HTR7: variants seen among roughly 807,000 people sequenced by gnomAD.
HTR7 encodes 5-hydroxytryptamine receptor 7.
HTR7 carries 16 observed loss-of-function variants against 34.0 expected under a neutral mutation model. The observed-to-expected ratio is 0.47, with a 90% CI of 0.32 to 0.71. The LOEUF (loss-of-function observed/expected upper bound fraction) is 0.71, where lower values mean the gene tolerates loss of function less well. Among genes scored for constraint, HTR7 ranks in the 30% least tolerant of loss-of-function variants. The pLI is 0.04. For missense variants in HTR7, 504 were observed against 625.5 expected (o/e 0.81, Z 2.07); for synonymous variants, 265 against 260.2 (o/e 1.02, Z -0.18).
intron 1 of HTR7, among the ~76,000 whole-genome samples, chr10:90,763,104 C>T (rs1178681884): frequency 6.6e-6 from 1 of 152,046 alleles, no homozygotes; most frequent in East Asian, 1.9e-4. Context: ...CTCATGATTG[C>T]TTTGTCTGTC....
At chr10:90,793,831 A>T (rs1189979473) in intron 1 of HTR7, among the ~76,000 whole-genome samples, 1 of 152,144 alleles carries the variant, frequency 6.6e-6, no homozygotes, top group South Asian at 2.1e-4. Context: ...CCCCTGACAA[A>T]TCACTGGTGT....
At chr10:90,774,125 G>A (rs1463919481) in intron 1 of HTR7, among the ~76,000 whole-genome samples, 1 of 150,964 alleles carries the variant, frequency 6.6e-6, no homozygotes, top group Non-Finnish European at 1.5e-5. Context: ...AAAAAAAAAA[G>A]CTCAGGTTAT....
At chr10:90,765,689 T>C (rs1030155953) in intron 1 of HTR7, among the ~76,000 whole-genome samples, 1 of 152,214 alleles carries the variant, frequency 6.6e-6, no homozygotes, top group Non-Finnish European at 1.5e-5. Context: ...AGAAATACTT[T>C]CATGGCATCC....
At position 90,748,992 on chromosome 10, in the gene HTR7, G is replaced by C; in HGVS notation, c.1142C>G (p.Pro381Arg). Residue 381 changes from proline (P) to arginine (R), a missense_variant, in exon 2 of 4, where the codon CCT becomes CGT. By Grantham distance (103) the Pro-to-Arg change is moderately radical. Coordinates refer to ENST00000336152, the MANE Select transcript of HTR7 (RefSeq NM_019859.4). ...WLGYANSLIN[P>R]FIYAFFNRDL... Reference sequence around the variant, plus strand: ...CCGGTTGAAGAAGGCATATATAAAAGGGTTAATGAGAGAGTTTGCATAGCC... The same window carrying C: ...CCGGTTGAAGAAGGCATATATAAAACGGTTAATGAGAGAGTTTGCATAGCC... The C allele has an allele frequency of 6.2e-7, 1 of 1,614,032 alleles. No homozygotes were observed.
intron 1 of HTR7, among the ~76,000 whole-genome samples, chr10:90,847,427 T>C (rs533692420): frequency 6.6e-6 from 1 of 152,294 alleles, no homozygotes; most frequent in African/African-American, 2.4e-5. Context: ...TCCTTCTCAC[T>C]TTCCCATAGC....
intron 1 of HTR7, among the ~76,000 whole-genome samples, chr10:90,813,163 C>G (rs1027123516): frequency 2.6e-5 from 4 of 152,170 alleles, no homozygotes; most frequent in Admixed American, 1.3e-4. Context: ...TTTGCTGACT[C>G]TCTTTTCAGA....
At chr10:90,826,949 T>A (rs551675717) in intron 1 of HTR7, among the ~76,000 whole-genome samples, 5 of 151,126 alleles carry the variant, frequency 3.3e-5, no homozygotes, top group South Asian at 2.1e-4. Flanking sequence ...AAAATAAAAA[T>A]AATAATAATA....
At chr10:90,821,133 T>C (rs984648163) in intron 1 of HTR7, among the ~76,000 whole-genome samples, 3 of 77,420 alleles carry the variant, frequency 3.9e-5, no homozygotes, top group East Asian at 8.9e-4. Flanking sequence ...CACACACACA[T>C]GCACACACAC....
At chr10:90,814,398 C>A (rs1845866370) in intron 1 of HTR7, among the ~76,000 whole-genome samples, 1 of 152,198 alleles carries the variant, frequency 6.6e-6, no homozygotes, top group Non-Finnish European at 1.5e-5. Context: ...TAATGCTACT[C>A]CTACTGTTGT....
intron 1 of HTR7, among the ~76,000 whole-genome samples, chr10:90,808,087 T>A (rs1845731628): frequency 6.6e-6 from 1 of 152,168 alleles, no homozygotes; most frequent in Non-Finnish European, 1.5e-5. Flanking sequence ...CCTTGGTGTT[T>A]AATAATTGCA....
intron 1 of HTR7, among the ~76,000 whole-genome samples, chr10:90,786,039 T>C (rs569245308): frequency 3.7e-4 from 56 of 152,368 alleles, no homozygotes; most frequent in African/African-American, 8.9e-4. Context: ...CCTTCTTAAA[T>C]ACTGCTCATT....
intron 1 of HTR7, among the ~76,000 whole-genome samples, chr10:90,829,946 A>T (rs1356081475): frequency 6.6e-6 from 1 of 152,228 alleles, no homozygotes. Flanking sequence ...ATACAAAAAA[A>T]GTTAAAATGT....
rs1472125921 is a variant in HTR7 at position 90,749,657 on chromosome 10, T to C, written c.540-63A>G. On this transcript the variant is annotated intron_variant, in intron 1 of 3. Coordinates refer to ENST00000336152, the MANE Select transcript of HTR7 (RefSeq NM_019859.4). The surrounding 1 kb of genome is among the most constrained non-coding windows in gnomAD (Gnocchi z 4.2). ...GATCATAACTGGTCAACCAAGCAAG[T>C]CCTGCCAGCCAGGTACCAGCGCCAG... 6.7e-7 allele frequency: 1 copy of C among 1,494,466 alleles called. No individual in the cohort carries two copies. Among genetic ancestry groups the C allele is most frequent in the Non-Finnish European group, 9.0e-7 (1 of 1,104,992 alleles). 92.6% of individuals were successfully genotyped at this position (1,494,466 alleles called of 1,614,324 possible).
chr10:90,843,896 C>T (rs1846369027), intron 1 of HTR7, among the ~76,000 whole-genome samples: 1 of 152,136 alleles, frequency 6.6e-6, no homozygotes, highest in South Asian at 2.1e-4. Context: ...GAGAAGAATG[C>T]TATTTTATGA....
chr10:90,826,607 A>T (rs1346064708), intron 1 of HTR7, among the ~76,000 whole-genome samples: 1 of 152,232 alleles, frequency 6.6e-6, no homozygotes, highest in Non-Finnish European at 1.5e-5. Context: ...ATGAAGGTGA[A>T]GTGTAGAGTT....
At chr10:90,780,672 A>G (rs1461459510) in intron 1 of HTR7, among the ~76,000 whole-genome samples, 1 of 152,214 alleles carries the variant, frequency 6.6e-6, no homozygotes, top group Non-Finnish European at 1.5e-5. Flanking sequence ...TGAGAGGCAC[A>G]ACACCACAGG....
At chr10:90,855,491 G>T (rs1846565540) in intron 1 of HTR7, among the ~76,000 whole-genome samples, 1 of 152,152 alleles carries the variant, frequency 6.6e-6, no homozygotes, top group Admixed American at 6.5e-5. Flanking sequence ...AGTACTTGCA[G>T]CATAAACCGT....
intron 1 of HTR7, among the ~76,000 whole-genome samples, chr10:90,755,027 T>G (rs1265333360): frequency 6.6e-6 from 1 of 152,200 alleles, no homozygotes; most frequent in Non-Finnish European, 1.5e-5. Context: ...CCCAAGCCAC[T>G]ATTCTCATTC....
At chr10:90,763,003 G>A (rs1317697967) in intron 1 of HTR7, among the ~76,000 whole-genome samples, 1 of 152,142 alleles carries the variant, frequency 6.6e-6, no homozygotes, top group Non-Finnish European at 1.5e-5. Flanking sequence ...CTATGTGTCT[G>A]TTTTTATGCC....
Sources: gnomAD v4.1 joint callset for allele counts (sites outside exome capture counted in the v4.1 genomes callset) on GRCh38, gnomAD v4.1.1 for gene constraint, Gnocchi (gnomAD v3.1) non-coding constraint, MANE v1.5 for transcripts, NCBI Gene and HGNC (gene_info 2026-07-23, HGNC 2026-07-21) for gene names.